The following FTO variants were observed in gnomAD, a reference collection of about 807,000 sequenced individuals.
The protein encoded by FTO is FTO alpha-ketoglutarate dependent dioxygenase.
A neutral mutation model predicts 63.9 loss-of-function variants in FTO; 47 were observed. The ratio of observed to expected loss-of-function variants is 0.74; its 90% confidence interval spans 0.58 to 0.94. The LOEUF is 0.94. Ranked by LOEUF, FTO falls within the 40% of genes least tolerant of loss-of-function variation. The pLI, the probability that FTO is intolerant of heterozygous loss-of-function variation, is 0.00. For synonymous variants in FTO, 207 were observed against 224.4 expected (o/e 0.92, Z 0.69); for missense variants, 562 against 618.1 (o/e 0.91, Z 0.96).
At chr16:53,809,427 A>G (rs1415764952) in intron 1 of FTO, among the ~76,000 whole-genome samples, 1 of 152,186 alleles carries the variant, frequency 6.6e-6, no homozygotes, top group Non-Finnish European at 1.5e-5. Context: ...TTCCAGTGAT[A>G]GTACCATAAA....
intron 2 of FTO, among the ~76,000 whole-genome samples, chr16:53,813,666 A>G (rs1159285521): frequency 1.3e-5 from 2 of 152,218 alleles, no homozygotes; most frequent in African/African-American, 4.8e-5. Context: ...CCCTCACCAC[A>G]GGAATGCCAA....
intron 7 of FTO, among the ~76,000 whole-genome samples, chr16:53,918,611 T>G (rs2081938520): frequency 6.6e-6 from 1 of 152,296 alleles, no homozygotes; most frequent in South Asian, 2.1e-4. Context: ...TAAATCAAAA[T>G]CAACCCTAAA....
intron 8 of FTO, among the ~76,000 whole-genome samples, chr16:53,976,409 A>G (rs9888758): frequency 0.09 from 13,743 of 152,148 alleles, 1,217 homozygotes; most frequent in East Asian, 0.27. Flanking sequence ...CACTGATTTG[A>G]AAAGACACTT....
At chr16:53,820,316 C>T (rs1160809742) in intron 2 of FTO, among the ~76,000 whole-genome samples, 1 of 151,952 alleles carries the variant, frequency 6.6e-6, no homozygotes, top group Non-Finnish European at 1.5e-5. Context: ...GCCACTAGTA[C>T]TATCTTCTTT....
intron 2 of FTO, among the ~76,000 whole-genome samples, chr16:53,822,949 G>A (rs367660270): frequency 1.3e-5 from 2 of 152,044 alleles, no homozygotes; most frequent in East Asian, 3.9e-4. Context: ...AGAAACTCTG[G>A]TGTTCTCTAG....
At chr16:53,897,714 A>G (rs1401480486) in intron 7 of FTO, among the ~76,000 whole-genome samples, 1 of 152,144 alleles carries the variant, frequency 6.6e-6, no homozygotes, top group African/African-American at 2.4e-5. Flanking sequence ...CTGAAGTCTC[A>G]TGTCCTGGAT....
Position 53,942,105 on chromosome 16 carries a change from T to C in FTO, c.1364+7996T>C, listed in dbSNP as rs570578724. On this transcript the variant is annotated intron_variant, in intron 8 of 8. Transcript: ENST00000471389. ...TGGCCTGTTGCTTTTTTTGCTCTTTTTCTCAACCTTGCCTGGTGTGGAAAT... is the reference window on the plus strand; with the variant it reads ...TGGCCTGTTGCTTTTTTTGCTCTTTCTCTCAACCTTGCCTGGTGTGGAAAT... 4.3e-4 allele frequency among the ~76,000 whole-genome samples: 66 copies of C among 152,312 alleles called. 1 individual carries two copies. The South Asian group carries it at 0.013, about 30-fold the overall frequency.
At chr16:53,888,798 A>G (rs766027287) in intron 6 of FTO, 34 bp from the exon 7 acceptor site, 5 of 1,613,136 alleles carry the variant, frequency 3.1e-6, no homozygotes, top group Non-Finnish European at 4.2e-6. Context: ...TCACAAGGGT[A>G]TTAAAACCAC....
At position 54,056,843 on chromosome 16, in the gene FTO, C is replaced by T. The variant is rs567779540; in HGVS notation, c.1365-54919C>T. Reference sequence around the variant, plus strand: ...GAAATAATAATGTTTGTTGTTTTAACCTGTTCATTTTTGGAGGTAATTTGT... The same window carrying T: ...GAAATAATAATGTTTGTTGTTTTAATCTGTTCATTTTTGGAGGTAATTTGT... On this transcript the variant is annotated intron_variant, in intron 8 of 8. Coordinates refer to ENST00000471389, the MANE Select transcript of FTO (RefSeq NM_001080432.3). Among the ~76,000 whole-genome samples the T allele has an allele frequency of 3.9e-5, 6 of 152,312 alleles. No individual in the cohort carries two copies. The East Asian group carries it at 1.2e-3, about 29-fold the overall frequency.
intron 8 of FTO, among the ~76,000 whole-genome samples, chr16:54,050,138 G>A (rs2085280022): frequency 6.6e-6 from 1 of 152,086 alleles, no homozygotes; most frequent in African/African-American, 2.4e-5. Context: ...CACCAAGGGT[G>A]GTAATTTGGG....
intron 2 of FTO, among the ~76,000 whole-genome samples, chr16:53,815,636 G>GTTTTTTTTTTTTTTTTTTTTTTTTTTT (rs556357629): frequency 4.1e-5 from 4 of 98,180 alleles, no homozygotes; most frequent in African/African-American, 2.2e-4. Flanking sequence ...TGACTTTCTT[G>GTTTTTTTTTTTTTTTTTTTTTTTTTTT]TTTTTTTTTT....
chr16:53,828,753 C>T (rs1041272200), intron 3 of FTO, among the ~76,000 whole-genome samples: 2 of 152,180 alleles, frequency 1.3e-5, no homozygotes, highest in African/African-American at 4.8e-5. Flanking sequence ...CATGGTGATG[C>T]AGCAAGTAAT....
In FTO at chr16:54,092,427, G is replaced by C. The variant is rs192740945; in HGVS notation, c.1365-19335G>C. On this transcript the variant is annotated intron_variant, in intron 8 of 8. Coordinates refer to ENST00000471389, the MANE Select transcript of FTO (RefSeq NM_001080432.3). ...TATTAAACTTGCCTTTAAACTGAGG[G>C]GGGTAGGAGAGAAGATAAGAACCTC... 2.0e-5 allele frequency among the ~76,000 whole-genome samples: 3 copies of C among 152,254 alleles called. No individual in the cohort carries two copies. The East Asian group carries it at 5.8e-4, about 29-fold the overall frequency.
Position 53,816,233 on chromosome 16 carries a change from C to T in FTO, c.123+6016C>T, listed in dbSNP as rs117615356. 4.7e-4 allele frequency among the ~76,000 whole-genome samples: 72 copies of T among 152,246 alleles called. No individual in the cohort carries two copies. In the East Asian group the frequency reaches 0.01, roughly 22 times the overall value. ...TATGAAAAATCTGACTGCTTCTCAC[C>T]ACCTCTGCTTCTTACACCGTGGCCA... On this transcript the variant is annotated intron_variant, in intron 2 of 8. Coordinates refer to ENST00000471389, the MANE Select transcript of FTO (RefSeq NM_001080432.3).
At chr16:53,764,904 G>C (rs1446787461) in intron 1 of FTO, among the ~76,000 whole-genome samples, 1 of 151,910 alleles carries the variant, frequency 6.6e-6, no homozygotes, top group Non-Finnish European at 1.5e-5. Flanking sequence ...ATTTTTAGTA[G>C]AGACAGGGTT....
chr16:53,885,777 C>G (rs1443802280), intron 6 of FTO, among the ~76,000 whole-genome samples: 1 of 152,130 alleles, frequency 6.6e-6, no homozygotes, highest in Non-Finnish European at 1.5e-5. Flanking sequence ...GAGACATGGC[C>G]TCACTGTGTT....
intron 1 of FTO, among the ~76,000 whole-genome samples, chr16:53,746,338 T>C (rs529571787): frequency 6.6e-6 from 1 of 152,214 alleles, no homozygotes; most frequent in Non-Finnish European, 1.5e-5. Context: ...AAGGACTGAG[T>C]GGAGTAGAGT....
At chr16:53,756,120 T>C (rs2076918295) in intron 1 of FTO, among the ~76,000 whole-genome samples, 1 of 152,088 alleles carries the variant, frequency 6.6e-6, no homozygotes. Flanking sequence ...TAAAACAACC[T>C]ACAAAAAGAT....
At chr16:53,756,250 G>A (rs1190363858) in intron 1 of FTO, among the ~76,000 whole-genome samples, 2 of 152,184 alleles carry the variant, frequency 1.3e-5, no homozygotes, top group African/African-American at 2.4e-5. Flanking sequence ...AAATGATAAC[G>A]AGGACTGGTC....
Sources: allele counts gnomAD v4.1 joint callset (sites outside exome capture counted in the v4.1 genomes callset), GRCh38; gene constraint gnomAD v4.1.1; transcripts MANE v1.5; gene names NCBI Gene and HGNC (gene_info 2026-07-23, HGNC 2026-07-21).